Variants in SCN1A observed in about 807,000 individuals in gnomAD.
SCN1A encodes the protein sodium channel protein type 1 subunit alpha.
Under a neutral mutation model 193.7 loss-of-function variants are expected in SCN1A, and 13 were observed. The observed-to-expected ratio is 0.07, with a 90% confidence interval of 0.04 to 0.11. The LOEUF (loss-of-function observed/expected upper bound fraction) is 0.11. Ranked by LOEUF, SCN1A falls within the 10% of genes least tolerant of loss-of-function variation. The pLI is 1.00. For missense variants in SCN1A, 1,432 were observed against 2,451.1 expected (o/e 0.58, Z 8.78); for synonymous variants, 781 against 843.6 (o/e 0.93, Z 1.29).
At chr2:166,002,890 G>A in intron 23 of SCN1A, 137 bp from the exon 24 acceptor site, 1 of 681,034 alleles carries the variant, frequency 1.5e-6, no homozygotes, top group Non-Finnish European at 2.2e-6. Flanking sequence ...TAAAAGCAAG[G>A]TTCAAAAAAA....
chr2:166,030,689 G>A lies in SCN1A; in HGVS notation c.3429+5359C>T, dbSNP rs74831066. Among the ~76,000 whole-genome samples, 1,106 of 151,600 alleles carry A rather than the reference G, an allele frequency of 7.3e-3. 22 individuals carry two copies. Among genetic ancestry groups the A allele is most frequent in the African/African-American group, 0.026 (1,061 of 41,300 alleles). On this transcript the variant is annotated intron_variant, in intron 19 of 28. Coordinates refer to ENST00000674923, the MANE Select transcript of SCN1A (RefSeq NM_001165963.4). ...TATCTCATTTAATAAATTAGGAAAC[G>A]GGGTAATATAGATTTAGCGATTTGC...
At chr2:166,094,707 A>G (rs1446174145) in intron 2 of SCN1A, among the ~76,000 whole-genome samples, 2 of 152,248 alleles carry the variant, frequency 1.3e-5, no homozygotes, top group Admixed American at 6.5e-5. Context: ...TTTAACAACA[A>G]CAAAAGATCA....
Position 166,036,427 on chromosome 2 carries a change from T to C in SCN1A, c.3050A>G (p.Asp1017Gly). 1 of 1,606,944 alleles carries C rather than the reference T, an allele frequency of 6.2e-7. No homozygotes were observed. The highest frequency in any genetic ancestry group is 8.5e-7 in the Non-Finnish European group (1 of 1,177,890). Residue 1017 changes from aspartate to glycine, a missense_variant, in exon 19 of 29, where the codon GAT becomes GGT. Physicochemically the swap from Asp to Gly is moderately conservative, Grantham distance 94. Coordinates refer to ENST00000674923, the MANE Select transcript of SCN1A (RefSeq NM_001165963.4). ...ATAAGCTACTCCTTTGTGCATCCTA[T>C]CCACAGCAATTTGGAGATTATTCAT... ...NEMNNLQIAVDRMHKGVAYVK... is the reference protein window; with the variant it reads ...NEMNNLQIAVGRMHKGVAYVK...
chr2:166,002,607 G>T lies in SCN1A; in HGVS notation c.4149C>A (p.Asp1383Glu). 1 of 1,611,964 alleles carries T rather than the reference G, an allele frequency of 6.2e-7. No individual in the cohort carries two copies. The highest frequency in any genetic ancestry group is 8.5e-7 in the Non-Finnish European group (1 of 1,178,764). ...TATTCACGTCTTCGATGTCAAACCT[G>T]TCACCAGTTGTGGTGTTAATACAGT... ...FYHCINTTTG[D>E]RFDIEDVNNH... Residue 1383 changes from aspartate (D) to glutamate (E), a missense_variant, in exon 24 of 29, where the codon GAC (aspartate) becomes GAA (glutamate). Physicochemically the swap from Asp to Glu is conservative, Grantham distance 45. Transcript: ENST00000674923.
intron 10 of SCN1A, 145 bp from the exon 11 acceptor site, chr2:166,047,913 T>C: frequency 1.0e-6 from 1 of 1,004,176 alleles, no homozygotes; most frequent in Non-Finnish European, 1.5e-6. Flanking sequence ...TTCCCAACTT[T>C]TGACTGCATA....
chr2:166,077,349 T>G lies in SCN1A; in HGVS notation c.-50+361A>C, dbSNP rs145269110. Among the ~76,000 whole-genome samples the G allele has an allele frequency of 1.6e-4, 25 of 151,840 alleles. No homozygotes were observed. In the East Asian group the frequency reaches 4.6e-3, roughly 28 times the overall value. On this transcript the variant is annotated intron_variant, in intron 3 of 28. Transcript: ENST00000674923. ...CTGTTACCCCAAACATGCAAAAAAT[T>G]ATTAAAGCTCAACAATAAGAAAATG...
intron 2 of SCN1A, among the ~76,000 whole-genome samples, chr2:166,123,966 A>G (rs1046976489): frequency 6.6e-6 from 1 of 152,090 alleles, no homozygotes; most frequent in Non-Finnish European, 1.5e-5. Flanking sequence ...TCAATCCATC[A>G]TTGGCCTCAT....
intron 19 of SCN1A, among the ~76,000 whole-genome samples, chr2:166,032,484 C>T (rs1227346400): frequency 1.3e-5 from 2 of 151,980 alleles, no homozygotes; most frequent in African/African-American, 2.4e-5. Context: ...ATAATTTATG[C>T]CTTACTTTGA....
At chr2:166,035,488 A>G (rs572520417) in intron 19 of SCN1A, among the ~76,000 whole-genome samples, 1 of 152,316 alleles carries the variant, frequency 6.6e-6, no homozygotes, top group African/African-American at 2.4e-5. Flanking sequence ...AATAATAAAT[A>G]CAGGCAATAT....
rs770280796 is a variant in SCN1A at position 166,021,558 on chromosome 2, T to C, written c.3430-5831A>G. 5.9e-5 allele frequency among the ~76,000 whole-genome samples: 9 copies of C among 152,226 alleles called. No individual in the cohort carries two copies. The South Asian group carries it at 1.9e-3, about 32-fold the overall frequency. On this transcript the variant is annotated intron_variant, in intron 19 of 28. Coordinates refer to ENST00000674923, the MANE Select transcript of SCN1A (RefSeq NM_001165963.4). The stretch of plus-strand genomic sequence containing the variant: ...AGATTAAAATAAATAAAAACATTAA[T>C]ATAAAAGTCACCCAGACCTTCTCAA...
At chr2:166,133,872 C>T (rs1020360200) in intron 1 of SCN1A, 7 of 152,156 alleles carry the variant, frequency 4.6e-5, no homozygotes, top group African/African-American at 1.7e-4. Flanking sequence ...CGGTGCACCT[C>T]TCCACGGTCT....
At chr2:166,073,182 T>G (rs1053894927) in intron 4 of SCN1A, 176 bp downstream of exon 4, 1 of 716,154 alleles carries the variant, frequency 1.4e-6, no homozygotes, top group Non-Finnish European at 2.3e-6. Context: ...GCATATGTTA[T>G]GATATAATCA....
chr2:166,032,202 T>TACACACACACACACACACAC lies in SCN1A; in HGVS notation c.3429+3826_3429+3845dup. ...ATTCATACTTAAAGGTTGAAAGTCA[T>TACACACACACACACACACAC]ACACACACACACACACACACACACA... On this transcript the variant is annotated intron_variant, in intron 19 of 28. Coordinates refer to ENST00000674923, the MANE Select transcript of SCN1A (RefSeq NM_001165963.4). 3.1e-3 allele frequency among the ~76,000 whole-genome samples: 235 copies of TACACACACACACACACACAC among 76,270 alleles called. 2 individuals are homozygous for TACACACACACACACACACAC. Among genetic ancestry groups the TACACACACACACACACACAC allele is most frequent in the Non-Finnish European group, 4.1e-3 (177 of 43,284 alleles). 50.0% of individuals were successfully genotyped at this position (76,270 alleles called of 152,430 possible).
chr2:166,146,386 TA>T (rs141817347), intron 1 of SCN1A, among the ~76,000 whole-genome samples: 6,216 of 152,318 alleles, frequency 0.041, 714 homozygotes, highest in Admixed American at 0.24. Context: ...ATAAATGATA[TA>T]TTTGTTGTAT....
At chr2:166,138,542 G>A (rs7426145) in intron 1 of SCN1A, among the ~76,000 whole-genome samples, 6,371 of 152,266 alleles carry the variant, frequency 0.042, 194 homozygotes, top group Non-Finnish European at 0.063. Flanking sequence ...GTGTTGAGCC[G>A]GCAAGTGCAC....
chr2:166,061,003 G>A (rs550221416), intron 4 of SCN1A: 1 of 152,252 alleles, frequency 6.6e-6, no homozygotes, highest in East Asian at 1.9e-4. Context: ...ACAAATAGTA[G>A]TGATACAAAG....
intron 2 of SCN1A, among the ~76,000 whole-genome samples, chr2:166,082,305 T>C (rs1473858071): frequency 6.6e-6 from 1 of 152,082 alleles, no homozygotes; most frequent in East Asian, 1.9e-4. Flanking sequence ...AGCTTATTAA[T>C]GGTGGGACTT....
At chr2:166,059,901 A>G (rs1683109354) in intron 4 of SCN1A, among the ~76,000 whole-genome samples, 2 of 149,452 alleles carry the variant, frequency 1.3e-5, no homozygotes, top group Admixed American at 1.3e-4. Context: ...AGCACTTTCT[A>G]TCTGGTATGG....
chr2:166,073,192 A>C, intron 4 of SCN1A, 166 bp downstream of exon 4: 1 of 740,272 alleles, frequency 1.4e-6, no homozygotes, highest in Non-Finnish European at 2.2e-6. Flanking sequence ...TGATATAATC[A>C]ATTCATTTCT....
Sources: allele counts gnomAD v4.1 joint callset (sites outside exome capture counted in the v4.1 genomes callset), GRCh38; gene constraint gnomAD v4.1.1; transcripts MANE v1.5; gene names NCBI Gene and HGNC (gene_info 2026-07-23, HGNC 2026-07-21).